Variants in GOLT1A observed in about 807,000 individuals in gnomAD.
GOLT1A encodes the protein vesicle transport protein GOT1A.
Under a neutral mutation model 16.1 loss-of-function variants are expected in GOLT1A, and 10 were observed. That is an observed-to-expected ratio of 0.62 (90% CI 0.38 to 1.05). The LOEUF (loss-of-function observed/expected upper bound fraction) is 1.05, where lower values mean the gene tolerates loss of function less well. Ranked by LOEUF, GOLT1A falls within the 50% of genes least tolerant of loss-of-function variation. The pLI, the probability that GOLT1A is intolerant of heterozygous loss-of-function variation, is 0.01. For synonymous variants in GOLT1A, 60 were observed against 67.9 expected (o/e 0.88, Z 0.57); for missense variants, 137 against 165.7 (o/e 0.83, Z 0.95).
At chr1:204,201,503 C>T (rs533676768) in intron 3 of GOLT1A, 130 bp downstream of exon 3, 1 of 915,732 alleles carries the variant, frequency 1.1e-6, no homozygotes, top group African/African-American at 1.7e-5. Context: ...TTTAGGGGGC[C>T]TTTCCAAGGT....
chr1:204,203,942 C>T (rs532444371), intron 1 of GOLT1A, among the ~76,000 whole-genome samples: 1 of 152,142 alleles, frequency 6.6e-6, no homozygotes, highest in Admixed American at 6.5e-5. Flanking sequence ...CATGAAGGCC[C>T]CCTCGTTTGG....
intron 3 of GOLT1A, among the ~76,000 whole-genome samples, chr1:204,200,299 G>GTGTGTGTGTATA: frequency 0.02 from 1,652 of 82,714 alleles, 185 homozygotes; most frequent in African/African-American, 0.085. Context: ...ACATATATGT[G>GTGTGTGTGTATA]TATATATATA....
rs916820617 is a variant in GOLT1A at position 204,199,269 on chromosome 1, A to G, written c.297-11T>C. ...ACAGGGAAAAAGCCCCTAGGAGCAGAGGGGAGAAGGGAGGAGTCAGTGATG... is the reference window on the plus strand; with the variant it reads ...ACAGGGAAAAAGCCCCTAGGAGCAGGGGGGAGAAGGGAGGAGTCAGTGATG... On this transcript the variant is annotated splice_polypyrimidine_tract_variant and intron_variant, in intron 3 of 4. Coordinates refer to ENST00000308302, the MANE Select transcript of GOLT1A (RefSeq NM_198447.2). 1 of 1,596,542 alleles carries G rather than the reference A, an allele frequency of 6.3e-7. No homozygotes were observed. The highest frequency in any genetic ancestry group is 8.5e-7 in the Non-Finnish European group (1 of 1,171,926).
intron 4 of GOLT1A, chr1:204,198,946 T>C (rs924142582): frequency 9.1e-6 from 5 of 546,682 alleles, no homozygotes; most frequent in Non-Finnish European, 1.6e-5. Context: ...AAGCTATTCA[T>C]AGCTACCTGC....
At chr1:204,208,825 C>A (rs771980355) in intron 1 of GOLT1A, among the ~76,000 whole-genome samples, 41 of 152,020 alleles carry the variant, frequency 2.7e-4, no homozygotes, top group Non-Finnish European at 5.2e-4. Flanking sequence ...TGTAACCAAC[C>A]ACCTGTTCCC....
chr1:204,213,983 G>C lies in GOLT1A; in HGVS notation c.-77C>G. On this transcript the variant is annotated 5_prime_UTR_variant, in exon 1 of 5. Coordinates refer to ENST00000308302, the MANE Select transcript of GOLT1A (RefSeq NM_198447.2). Reference sequence around the variant, plus strand: ...GGCCCAGAGGACGCAGCTGGTACATGGTCACGGGAAGCTGACCCTTGGTTA... The same window carrying C: ...GGCCCAGAGGACGCAGCTGGTACATCGTCACGGGAAGCTGACCCTTGGTTA... 6.6e-7 allele frequency: 1 copy of C among 1,525,772 alleles called. No homozygotes were observed. The highest frequency in any genetic ancestry group is 9.0e-7 in the Non-Finnish European group (1 of 1,113,342). The allele number at this position is 1,525,772 out of a possible 1,614,324, so 94.5% of individuals were successfully genotyped here.
intron 1 of GOLT1A, among the ~76,000 whole-genome samples, chr1:204,203,988 T>C (rs1659003380): frequency 6.6e-6 from 1 of 152,192 alleles, no homozygotes; most frequent in South Asian, 2.1e-4. Flanking sequence ...GATAAACATA[T>C]TTCAGATCGC....
At position 204,202,997 on chromosome 1, in the gene GOLT1A, G is replaced by C. The variant is rs780806101; in HGVS notation, c.26-10C>G. 2 of 1,611,504 alleles carry C rather than the reference G, an allele frequency of 1.2e-6. No individual in the cohort carries two copies. The highest frequency in any genetic ancestry group is 2.7e-5 in the African/African-American group (2 of 74,926). ...ATCCCCACACCAATCTCTGCAATGG[G>C]CAAGGAGGTGGTGGAGGAAAGGGCT... On this transcript the variant is annotated splice_polypyrimidine_tract_variant and intron_variant, in intron 1 of 4. Coordinates refer to ENST00000308302, the MANE Select transcript of GOLT1A (RefSeq NM_198447.2).
At chr1:204,208,476 G>GTGTGTATATATATATATATATA (rs1286299770) in intron 1 of GOLT1A, among the ~76,000 whole-genome samples, 1 of 39,930 alleles carries the variant, frequency 2.5e-5, no homozygotes, top group Non-Finnish European at 6.0e-5. Context: ...GTGTGTGTGT[G>GTGTGTATATATATATATATATA]TATATATATA....
intron 3 of GOLT1A, among the ~76,000 whole-genome samples, chr1:204,200,299 GTATATATA>G (rs141284578): frequency 0.18 from 15,033 of 82,738 alleles, 1,650 homozygotes; most frequent in African/African-American, 0.29. Context: ...ACATATATGT[GTATATATA>G]TATATATATA....
intron 1 of GOLT1A, among the ~76,000 whole-genome samples, chr1:204,208,452 A>G (rs1338099973): frequency 3.4e-4 from 29 of 85,950 alleles, no homozygotes; most frequent in East Asian, 1.3e-3. Context: ...GTGTGTATAT[A>G]TGTATACTTG....
chr1:204,208,837 A>C (rs368373625), intron 1 of GOLT1A, among the ~76,000 whole-genome samples: 167 of 152,206 alleles, frequency 1.1e-3, no homozygotes, highest in African/African-American at 3.9e-3. Flanking sequence ...CCTGTTCCCC[A>C]AAAACCTATT....
intron 1 of GOLT1A, among the ~76,000 whole-genome samples, chr1:204,210,143 C>G (rs1413515397): frequency 6.6e-6 from 1 of 152,228 alleles, no homozygotes; most frequent in Admixed American, 6.5e-5. Context: ...AATGCTCTTG[C>G]CTTGGCCATT....
chr1:204,201,499 G>A (rs1231668752), intron 3 of GOLT1A, 134 bp downstream of exon 3: 1 of 832,892 alleles, frequency 1.2e-6, no homozygotes, highest in Non-Finnish European at 1.9e-6. Context: ...CTACTTTAGG[G>A]GGCCTTTCCA....
chr1:204,206,574 T>C (rs1228607032), intron 1 of GOLT1A, among the ~76,000 whole-genome samples: 19 of 152,282 alleles, frequency 1.2e-4, no homozygotes, highest in Admixed American at 1.2e-3. Flanking sequence ...TTTTAGGTTT[T>C]TATGCTTGTT....
chr1:204,203,114 A>C, intron 1 of GOLT1A, 127 bp from the exon 2 acceptor site: 2 of 680,064 alleles, frequency 2.9e-6, no homozygotes, highest in Non-Finnish European at 5.3e-6. Flanking sequence ...CAGGAATCTC[A>C]GCTTTCATGC....
At position 204,203,096 on chromosome 1, in the gene GOLT1A, C is replaced by T. The variant is rs554069166; in HGVS notation, c.26-109G>A. The T allele has an allele frequency of 2.2e-5, 16 of 736,792 alleles. No individual in the cohort carries two copies. The African/African-American group carries it at 2.6e-4, about 12-fold the overall frequency. The allele number at this position is 736,792 out of a possible 1,614,324, so 45.6% of individuals were successfully genotyped here. On this transcript the variant is annotated intron_variant, in intron 1 of 4. Coordinates refer to ENST00000308302, the MANE Select transcript of GOLT1A (RefSeq NM_198447.2). ...GGTGCCCTCTATGGGGGTGACTCCACTTCCATCCAGGAATCTCAGCTTTCA... is the reference window on the plus strand; with the variant it reads ...GGTGCCCTCTATGGGGGTGACTCCATTTCCATCCAGGAATCTCAGCTTTCA...
At chr1:204,199,092 A>G in intron 4 of GOLT1A, 103 bp downstream of exon 4, 1 of 976,660 alleles carries the variant, frequency 1.0e-6, no homozygotes, top group Non-Finnish European at 1.6e-6. Flanking sequence ...GAGACAGGGG[A>G]GAGGCCACTG....
intron 1 of GOLT1A, among the ~76,000 whole-genome samples, chr1:204,205,391 T>C (rs980060646): frequency 3.3e-5 from 5 of 152,186 alleles, no homozygotes; most frequent in Non-Finnish European, 7.3e-5. Flanking sequence ...TATCCAGTTT[T>C]CCCAGCACTA....
Sources: gnomAD v4.1 joint callset for allele counts (sites outside exome capture counted in the v4.1 genomes callset) on GRCh38, gnomAD v4.1.1 for gene constraint, MANE v1.5 for transcripts, NCBI Gene and HGNC (gene_info 2026-07-23, HGNC 2026-07-21) for gene names.